The following CBL variants were observed in gnomAD, a reference collection of about 807,000 sequenced individuals.
CBL encodes the protein E3 ubiquitin-protein ligase CBL.
Under a neutral mutation model 96.9 loss-of-function variants are expected in CBL, and 45 were observed. The observed-to-expected ratio is 0.46, with a 90% confidence interval of 0.37 to 0.60. The LOEUF (loss-of-function observed/expected upper bound fraction) is 0.60. Among genes scored for constraint, CBL ranks in the 20% least tolerant of loss-of-function variants. The pLI is 0.00. For missense variants in CBL, 1,024 were observed against 1,143.5 expected, an observed-to-expected ratio of 0.90 and a Z score of 1.51; for synonymous variants, 420 against 426.8, an observed-to-expected ratio of 0.98 and a Z score of 0.20.
In CBL at chr11:119,302,567, T is replaced by G. The variant is rs1008034828; in HGVS notation, c.*2786T>G. 8.6e-6 allele frequency: 2 copies of G among 232,194 alleles called. No homozygotes were observed. The highest frequency in any genetic ancestry group is 4.4e-5 in the African/African-American group (2 of 45,286). 14.4% of individuals were successfully genotyped at this position (232,194 alleles called of 1,614,324 possible). A position where few individuals can be genotyped will look rare whatever the true frequency, so the allele number is the denominator to read the frequency against. ...AACCCACACTACTTTGTTCTCTTTTTCTCATATTCATTGGGCTGTTGTATT... is the reference window on the plus strand; with the variant it reads ...AACCCACACTACTTTGTTCTCTTTTGCTCATATTCATTGGGCTGTTGTATT... On this transcript the variant is annotated 3_prime_UTR_variant, in exon 16 of 16. Transcript: ENST00000264033.
intron 12 of CBL, among the ~76,000 whole-genome samples, chr11:119,295,515 A>C (rs553633415): frequency 1.2e-3 from 175 of 152,128 alleles, no homozygotes; most frequent in Non-Finnish European, 1.9e-3. Flanking sequence ...TGAACCCAAG[A>C]GTTTAAGACC....
At chr11:119,234,098 T>A (rs1949524663) in intron 2 of CBL, among the ~76,000 whole-genome samples, 1 of 152,050 alleles carries the variant, frequency 6.6e-6, no homozygotes, top group Admixed American at 6.6e-5. Flanking sequence ...CCTCCGCCTC[T>A]TGGGTTCAAG....
intron 1 of CBL, among the ~76,000 whole-genome samples, chr11:119,211,736 T>A (rs2135248600): frequency 6.6e-6 from 1 of 152,014 alleles, no homozygotes; most frequent in South Asian, 2.1e-4. Context: ...ACTCCTGACC[T>A]CAAGTGATCT....
chr11:119,253,215 A>C (rs964206948), intron 2 of CBL, among the ~76,000 whole-genome samples: 5 of 152,092 alleles, frequency 3.3e-5, no homozygotes, highest in Admixed American at 1.3e-4. Flanking sequence ...GAATATAGAC[A>C]ATTATTTGTC....
rs959523980 is a variant in CBL, at chr11:119,300,235, C to T, written c.*454C>T. 2 of 462,470 alleles carry T rather than the reference C, an allele frequency of 4.3e-6. No homozygotes were observed. The highest frequency in any genetic ancestry group is 3.8e-5 in the Admixed American group (1 of 26,476). 28.6% of individuals were successfully genotyped at this position (462,470 alleles called of 1,614,324 possible). On this transcript the variant is annotated 3_prime_UTR_variant, in exon 16 of 16. Coordinates refer to ENST00000264033, the MANE Select transcript of CBL (RefSeq NM_005188.4). ...GTTAATTCCAGGCAGGGAATTAGCA[C>T]AAAAGGTTTAGGAAGGAATCTTTTT...
At chr11:119,236,595 GTATATATATATATATA>G (rs71048051) in intron 2 of CBL, among the ~76,000 whole-genome samples, 5 of 137,764 alleles carry the variant, frequency 3.6e-5, no homozygotes, top group Admixed American at 7.4e-5. Flanking sequence ...CTTCTTTTGA[GTATATATATATATATA>G]TATATATATA....
chr11:119,257,804 T>C (rs1160837298), intron 2 of CBL, among the ~76,000 whole-genome samples: 1 of 152,132 alleles, frequency 6.6e-6, no homozygotes, highest in East Asian at 1.9e-4. Context: ...TTAAATAGGG[T>C]GTGTCCTTTC....
chr11:119,273,692 A>G lies in CBL; in HGVS notation c.591-176A>G, dbSNP rs2510150. Among the ~76,000 whole-genome samples, 148,693 of 152,370 alleles carry G rather than the reference A, an allele frequency of 0.98. 72,567 individuals carry two copies. The highest frequency in any genetic ancestry group is 1 in the East Asian group (5,183 of 5,184). On this transcript the variant is annotated intron_variant, in intron 3 of 15. Coordinates refer to ENST00000264033, the MANE Select transcript of CBL (RefSeq NM_005188.4). ...GCTGGGCCTCCCAAAGGCATGCACCATGGCTCCTGGTCCCCTTCTTTCTTT... is the reference window on the plus strand; with the variant it reads ...GCTGGGCCTCCCAAAGGCATGCACCGTGGCTCCTGGTCCCCTTCTTTCTTT...
intron 2 of CBL, among the ~76,000 whole-genome samples, chr11:119,256,270 C>T (rs1331945698): frequency 6.6e-6 from 1 of 151,562 alleles, no homozygotes; most frequent in East Asian, 1.9e-4. Context: ...CGACTCACTG[C>T]AACCTCCGCC....
In CBL at chr11:119,206,514, T is replaced by C. The variant is rs1406942749; in HGVS notation, c.97T>C (p.Phe33Leu). 1.3e-6 allele frequency: 2 copies of C among 1,560,372 alleles called. No homozygotes were observed. Among genetic ancestry groups the C allele is most frequent in the Non-Finnish European group, 1.7e-6 (2 of 1,153,482 alleles). Residue 33 changes from phenylalanine to leucine, a missense_variant, in exon 1 of 16, where the codon TTC (phenylalanine) becomes CTC (leucine). By Grantham distance (22) the Phe-to-Leu change is conservative. Coordinates refer to ENST00000264033, the MANE Select transcript of CBL (RefSeq NM_005188.4). ...GGLIGLMKDA[F>L]QPHHHHHHHL... ...CCTGATTGGGCTCATGAAGGACGCC[T>C]TCCAGCCGCACCACCACCACCACCA...
chr11:119,219,174 T>TGG (rs1949387388), intron 1 of CBL, among the ~76,000 whole-genome samples: 2 of 152,064 alleles, frequency 1.3e-5, no homozygotes. Flanking sequence ...GGTCAGAAGT[T>TGG]GGAGACCAGC....
intron 2 of CBL, among the ~76,000 whole-genome samples, chr11:119,252,673 T>C (rs893108488): frequency 4.6e-5 from 7 of 152,002 alleles, no homozygotes; most frequent in Non-Finnish European, 1.0e-4. Context: ...CTGGCCAACA[T>C]GGTGAAACCC....
At chr11:119,249,618 A>G (rs1050625474) in intron 2 of CBL, among the ~76,000 whole-genome samples, 18 of 151,198 alleles carry the variant, frequency 1.2e-4, no homozygotes, top group Admixed American at 5.3e-4. Flanking sequence ...AAGGGAAAGG[A>G]AAGTGACTAA....
Position 119,296,965 on chromosome 11 carries a change from A to G in CBL, c.2084A>G (p.Glu695Gly), listed in dbSNP as rs758486207. 1 of 1,612,486 alleles carries G rather than the reference A, an allele frequency of 6.2e-7. No individual in the cohort carries two copies. Among genetic ancestry groups the G allele is most frequent in the South Asian group, 1.1e-5 (1 of 91,052 alleles). Residue 695 changes from glutamate to glycine, a missense_variant, in exon 13 of 16, where the codon GAA (glutamate) becomes GGA (glycine). This residue lies in a region of CBL where 695 missense variants were observed against 661.6 expected (regional missense o/e 1.05). Coordinates refer to ENST00000264033, the MANE Select transcript of CBL (RefSeq NM_005188.4). The part of the protein sequence containing the change: ...KLPPGEQCEG[E>G]EDTEYMTPSS... The stretch of plus-strand genomic sequence containing the variant: ...CCACCTGGGGAGCAATGTGAGGGTG[A>G]AGAGGACACAGAGTACATGACTCCC...
intron 1 of CBL, among the ~76,000 whole-genome samples, chr11:119,230,383 G>A (rs1949493422): frequency 6.6e-6 from 1 of 151,888 alleles, no homozygotes; most frequent in Non-Finnish European, 1.5e-5. Flanking sequence ...CTCGTGATCC[G>A]CCCGCCTCAG....
intron 2 of CBL, among the ~76,000 whole-genome samples, chr11:119,259,290 G>T (rs1228733239): frequency 6.6e-6 from 1 of 151,900 alleles, no homozygotes; most frequent in Non-Finnish European, 1.5e-5. Flanking sequence ...TTGCCTAATT[G>T]CTGTGCCTGG....
At chr11:119,286,016 T>C (rs577041788) in intron 11 of CBL, among the ~76,000 whole-genome samples, 5 of 152,224 alleles carry the variant, frequency 3.3e-5, no homozygotes, top group African/African-American at 4.8e-5. Context: ...TCAAGAAATA[T>C]GGCTGGGCGT....
chr11:119,307,581 TGTGACTATA>T lies in CBL; in HGVS notation c.*7805_*7813del. The T allele has an allele frequency of 4.3e-6, 1 of 232,434 alleles. No individual in the cohort carries two copies. Among genetic ancestry groups the T allele is most frequent in the Non-Finnish European group, 8.5e-6 (1 of 117,272 alleles). The allele number at this position is 232,434 out of a possible 1,614,324, so 14.4% of individuals were successfully genotyped here. On this transcript the variant is annotated 3_prime_UTR_variant, in exon 16 of 16. Coordinates refer to ENST00000264033, the MANE Select transcript of CBL (RefSeq NM_005188.4). ...GGGACCAGAAGCCTGTCCTCAGTAA[TGTGACTATA>T]GTGAGCTTTAGCAAAAGTTTTTCTA...
chr11:119,207,651 C>T (rs916114598), intron 1 of CBL, among the ~76,000 whole-genome samples: 1 of 152,180 alleles, frequency 6.6e-6, no homozygotes, highest in Non-Finnish European at 1.5e-5. Context: ...ACTGTTTAAG[C>T]AGTCGGACGC....
Sources: gnomAD v4.1 joint callset for allele counts (sites outside exome capture counted in the v4.1 genomes callset) on GRCh38, gnomAD v4.1.1 for gene constraint, gnomAD v4.1.1 regional missense constraint, MANE v1.5 for transcripts, NCBI Gene and HGNC (gene_info 2026-07-23, HGNC 2026-07-21) for gene names.